Variants in AGTPBP1 observed in about 807,000 individuals in gnomAD.
AGTPBP1 encodes ATP/GTP binding carboxypeptidase 1, also known as cytosolic carboxypeptidase 1.
A neutral mutation model predicts 143.9 loss-of-function variants in AGTPBP1; 70 were observed. That is an observed-to-expected ratio of 0.49 (90% confidence interval 0.40 to 0.59). AGTPBP1 has a LOEUF of 0.59. Ranked by LOEUF, AGTPBP1 falls within the 20% of genes least tolerant of loss-of-function variation. The pLI is 0.00. For missense variants in AGTPBP1, 1,229 were observed against 1,464.5 expected, an observed-to-expected ratio of 0.84 and a Z score of 2.62; for synonymous variants, 463 against 500.2, an observed-to-expected ratio of 0.93 and a Z score of 0.99.
chr9:85,672,443 C>T, intron 7 of AGTPBP1, 107 bp downstream of exon 7: 1 of 1,291,952 alleles, frequency 7.7e-7, no homozygotes, highest in East Asian at 2.4e-5. Context: ...TAAATCTTCT[C>T]TTTCCTTTTT....
rs1829917619 is a variant in AGTPBP1, at chr9:85,605,177, C to T, written c.2336-8728G>A. Among the ~76,000 whole-genome samples, 7 of 152,226 alleles carry T rather than the reference C, an allele frequency of 4.6e-5. No homozygotes were observed. The South Asian group carries it at 1.5e-3, about 32-fold the overall frequency. ...CGCAGATTTAACCCCAAGACTACTTCCAGCCATTTAATAATCAAACTCCTA... is the reference window on the plus strand; with the variant it reads ...CGCAGATTTAACCCCAAGACTACTTTCAGCCATTTAATAATCAAACTCCTA... On this transcript the variant is annotated intron_variant, in intron 17 of 25. Coordinates refer to ENST00000357081, the MANE Select transcript of AGTPBP1 (RefSeq NM_001330701.2).
chr9:85,578,802 T>C, intron 24 of AGTPBP1, 118 bp downstream of exon 24: 1 of 1,018,800 alleles, frequency 9.8e-7, no homozygotes, highest in African/African-American at 1.7e-5. Flanking sequence ...CATTATTACA[T>C]ATTACATGTA....
At chr9:85,800,106 A>G in the AGTPBP1 span, among the ~76,000 whole-genome samples, 1 of 152,144 alleles carries the variant, frequency 6.6e-6, no homozygotes, top group Non-Finnish European at 1.5e-5. Context: ...GCACAACTTC[A>G]CTTAATTCTG....
intron 2 of AGTPBP1, among the ~76,000 whole-genome samples, chr9:85,711,713 T>G (rs1837385665): frequency 6.6e-6 from 1 of 152,148 alleles, no homozygotes; most frequent in Admixed American, 6.6e-5. Context: ...GTGCTGAGAT[T>G]ACAGGCGTAA....
chr9:85,706,518 AAAAAAAAAG>A (rs1438453072), intron 2 of AGTPBP1, among the ~76,000 whole-genome samples: 2 of 150,146 alleles, frequency 1.3e-5, no homozygotes, highest in Non-Finnish European at 3.0e-5. Context: ...TCAAAAAAAA[AAAAAAAAAG>A]AAAGAAAAGA....
At chr9:85,803,276 T>C in the AGTPBP1 span, among the ~76,000 whole-genome samples, 1 of 152,220 alleles carries the variant, frequency 6.6e-6, no homozygotes, top group Non-Finnish European at 1.5e-5. Context: ...ATACCTTCTT[T>C]CCTTGTGCTT....
chr9:85,757,697 CT>C, the AGTPBP1 span, among the ~76,000 whole-genome samples: 1 of 151,578 alleles, frequency 6.6e-6, no homozygotes, highest in African/African-American at 2.4e-5. Flanking sequence ...AGATGTTTTC[CT>C]TTTTTAAAAA....
the AGTPBP1 span, among the ~76,000 whole-genome samples, chr9:85,749,703 A>G: frequency 2.0e-5 from 3 of 152,156 alleles, no homozygotes; most frequent in African/African-American, 7.2e-5. Context: ...GGATTTTATA[A>G]TAGTCCCTAA....
At chr9:85,678,199 A>G in intron 5 of AGTPBP1, 136 bp downstream of exon 5, 1 of 552,418 alleles carries the variant, frequency 1.8e-6, no homozygotes, top group Non-Finnish European at 3.1e-6. Context: ...ACAACAAACT[A>G]TGACATTTCA....
At chr9:85,560,877 C>T (rs2132843863) in intron 25 of AGTPBP1, among the ~76,000 whole-genome samples, 1 of 151,832 alleles carries the variant, frequency 6.6e-6, no homozygotes, top group South Asian at 2.1e-4. Context: ...AAATGGAGTC[C>T]CAGAAGGAGA....
At chr9:85,802,344 TC>T in the AGTPBP1 span, among the ~76,000 whole-genome samples, 6 of 152,066 alleles carry the variant, frequency 3.9e-5, no homozygotes, top group Non-Finnish European at 8.8e-5. Flanking sequence ...GCCCTTATCT[TC>T]CCCTTATACT....
chr9:85,681,325 C>T lies in AGTPBP1; in HGVS notation c.168G>A (p.Arg56=). The T allele has an allele frequency of 6.2e-7, 1 of 1,611,728 alleles. No homozygotes were observed. The highest frequency in any genetic ancestry group is 8.5e-7 in the Non-Finnish European group (1 of 1,179,526). ...TAGAACCTTTGGCTGTCATTTCTCT[C>T]CTTGTTTTTTCTGAAAAGTAGCAAA... ...LHLAQSQEKT[R]REMTAKGSTG... is the part of the protein sequence containing the mutation. Residue 56 remains arginine, a synonymous_variant, in exon 4 of 26, where the codon AGG becomes AGA. Coordinates refer to ENST00000357081, the MANE Select transcript of AGTPBP1 (RefSeq NM_001330701.2).
chr9:85,728,158 T>C (rs1398416486), intron 1 of AGTPBP1, among the ~76,000 whole-genome samples: 3 of 152,142 alleles, frequency 2.0e-5, no homozygotes, highest in African/African-American at 7.2e-5. Context: ...TTCCATTGTT[T>C]CTTGGGCTTG....
At chr9:85,576,687 A>G (rs1827923386) in intron 24 of AGTPBP1, among the ~76,000 whole-genome samples, 1 of 152,216 alleles carries the variant, frequency 6.6e-6, no homozygotes, top group Non-Finnish European at 1.5e-5. Flanking sequence ...CTTATCAGCT[A>G]ACAAGTTTAA....
chr9:85,647,203 G>T (rs1468423814), intron 11 of AGTPBP1, among the ~76,000 whole-genome samples: 1 of 152,162 alleles, frequency 6.6e-6, no homozygotes, highest in Non-Finnish European at 1.5e-5. Flanking sequence ...CTTGAACCTG[G>T]GAGGCGGAGG....
intron 8 of AGTPBP1, among the ~76,000 whole-genome samples, chr9:85,663,557 T>C (rs1833960959): frequency 6.6e-6 from 1 of 150,960 alleles, no homozygotes; most frequent in Admixed American, 6.6e-5. Context: ...TCACAATGAC[T>C]GGCACTCAAA....
chr9:85,669,495 T>C lies in AGTPBP1; in HGVS notation c.652A>G (p.Ser218Gly), dbSNP rs370185451. ...IIGPFSKKNSSLIKVALDTLA... is the reference protein window; with the variant it reads ...IIGPFSKKNSGLIKVALDTLA... ...AAAACATTTACTCACTTTATAAGAC[T>C]GGAATTCTTCTTACTAAATGGTCCA... Residue 218 changes from serine (S) to glycine (G), a missense_variant, in exon 8 of 26, where the codon AGT becomes GGT. By Grantham distance (56) the Ser-to-Gly change is moderately conservative. Coordinates refer to ENST00000357081, the MANE Select transcript of AGTPBP1 (RefSeq NM_001330701.2). 3.1e-6 allele frequency: 5 copies of C among 1,604,792 alleles called. No homozygotes were observed. The highest frequency in any genetic ancestry group is 2.7e-5 in the African/African-American group (2 of 74,698).
chr9:85,646,936 T>A (rs74995031), intron 11 of AGTPBP1, among the ~76,000 whole-genome samples: 2,538 of 146,886 alleles, frequency 0.017, 23 homozygotes, highest in Middle Eastern at 0.057. Flanking sequence ...CTGGTGTGCT[T>A]AAAAAAAAAA....
intron 11 of AGTPBP1, among the ~76,000 whole-genome samples, chr9:85,653,465 G>C (rs11141056): frequency 1.8e-4 from 28 of 152,298 alleles, no homozygotes; most frequent in Admixed American, 1.8e-3. Flanking sequence ...TACTGCACTA[G>C]AGGTCGGCTT....
Sources: gnomAD v4.1 joint callset for allele counts (sites outside exome capture counted in the v4.1 genomes callset) on GRCh38, gnomAD v4.1.1 for gene constraint, MANE v1.5 for transcripts, NCBI Gene and HGNC (gene_info 2026-07-23, HGNC 2026-07-21) for gene names.